The following CCM2 variants were observed in gnomAD, a reference collection of about 807,000 sequenced individuals.
CCM2 encodes cerebral cavernous malformations 2 protein.
CCM2 carries 25 observed loss-of-function variants against 44.9 expected under a neutral mutation model. That is an observed-to-expected ratio of 0.56 (90% CI 0.41 to 0.78). The LOEUF (loss-of-function observed/expected upper bound fraction) is 0.78. Ranked by LOEUF, CCM2 falls within the 30% of genes least tolerant of loss-of-function variation. The pLI is 0.00. For synonymous variants in CCM2, 219 were observed against 241.1 expected, an observed-to-expected ratio of 0.91 and a Z score of 0.85; for missense variants, 481 against 580.6, an observed-to-expected ratio of 0.83 and a Z score of 1.76.
chr7:45,023,053 T>C (rs1372102863), intron 1 of CCM2, among the ~76,000 whole-genome samples: 1 of 152,100 alleles, frequency 6.6e-6, no homozygotes, highest in Non-Finnish European at 1.5e-5. Context: ...TCTGGGCTTT[T>C]AGTGTACCCA....
At chr7:45,073,689 C>G (rs1799201782) in intron 8 of CCM2, 118 bp downstream of exon 8, 1 of 688,662 alleles carries the variant, frequency 1.5e-6, no homozygotes, top group South Asian at 1.7e-5. Flanking sequence ...AGTGAGGTCA[C>G]CTAGAGCACT....
At chr7:45,067,247 C>T (rs998993932) in intron 4 of CCM2, among the ~76,000 whole-genome samples, 2 of 143,228 alleles carry the variant, frequency 1.4e-5, no homozygotes, top group African/African-American at 5.2e-5. Flanking sequence ...GGCTAGAGTG[C>T]AATGGTGTGG....
rs1330989888 is a variant in CCM2, at chr7:45,075,893, G to A, written c.1171G>A (p.Ala391Thr). 1 of 1,613,168 alleles carries A rather than the reference G, an allele frequency of 6.2e-7. No homozygotes were observed. The highest frequency in any genetic ancestry group is 8.5e-7 in the Non-Finnish European group (1 of 1,180,024). The change falls in exon 10 of 10, where the codon GCC (alanine) becomes ACC (threonine). Residue 391 changes from alanine (A) to threonine (T), a missense_variant. Physicochemically the swap from Ala to Thr is moderately conservative, Grantham distance 58. Transcript: ENST00000258781. ...ITDSFGRHRR[A>T]LSTTSSSTTN... ...TGACAGCTTTGGCAGGCACCGGCGG[G>A]CCCTGAGCACCACATCCAGTTCCAC...
At chr7:45,022,903 G>C (rs774361857) in intron 1 of CCM2, among the ~76,000 whole-genome samples, 1 of 151,600 alleles carries the variant, frequency 6.6e-6, no homozygotes, top group Non-Finnish European at 1.5e-5. Flanking sequence ...ACCACGCCTG[G>C]CTAATTTTTA....
In CCM2 at chr7:45,074,221, A is replaced by C. The variant is rs760062640; in HGVS notation, c.916-49A>C. On this transcript the variant is annotated intron_variant, in intron 8 of 9. Coordinates refer to ENST00000258781, the MANE Select transcript of CCM2 (RefSeq NM_031443.4). The stretch of plus-strand genomic sequence containing the variant: ...TGTGGCAAGGTGGGCCCGACTGCCG[A>C]CTCTTGCCTACTGTGCCCAGCCCCC... The C allele has an allele frequency of 2.5e-6, 4 of 1,611,286 alleles. No individual in the cohort carries two copies. In the East Asian group the frequency reaches 8.9e-5, roughly 36 times the overall value.
rs975812546 is a variant in CCM2 at position 45,023,288 on chromosome 7, A to G, written c.31-14965A>G. ...TTTACGGCTGGGTGCAGTGGCTCACACCTGTAATCCCAGCACTTTGGGAGG... is the reference window on the plus strand; with the variant it reads ...TTTACGGCTGGGTGCAGTGGCTCACGCCTGTAATCCCAGCACTTTGGGAGG... On this transcript the variant is annotated intron_variant, in intron 1 of 9. Transcript: ENST00000258781. Among the ~76,000 whole-genome samples the G allele has an allele frequency of 6.6e-5, 10 of 151,962 alleles. 1 individual carries two copies. The highest frequency in any genetic ancestry group is 2.4e-4 in the African/African-American group (10 of 41,486).
intron 9 of CCM2, 98 bp from the exon 10 acceptor site, chr7:45,075,679 G>A: frequency 4.1e-6 from 6 of 1,468,236 alleles, no homozygotes; most frequent in Non-Finnish European, 5.7e-6. Flanking sequence ...TGCACCAGGG[G>A]CAGCTGTGGC....
intron 1 of CCM2, among the ~76,000 whole-genome samples, chr7:45,020,506 A>T (rs1300365746): frequency 6.6e-6 from 1 of 152,128 alleles, no homozygotes; most frequent in Non-Finnish European, 1.5e-5. Flanking sequence ...TTAGGTTGTC[A>T]TTTTGCTTAA....
intron 2 of CCM2, chr7:45,043,677 ATTTAAC>A (rs980557261): frequency 3.0e-4 from 116 of 387,326 alleles, no homozygotes; most frequent in African/African-American, 2.3e-3. Context: ...TTCTTCAAAT[ATTTAAC>A]TTTATTTTTT....
At chr7:45,045,017 AT>A (rs1304541867) in intron 2 of CCM2, among the ~76,000 whole-genome samples, 1 of 152,220 alleles carries the variant, frequency 6.6e-6, no homozygotes, top group Non-Finnish European at 1.5e-5. Context: ...TGGTGAAATT[AT>A]TTGTGGCCTG....
intron 6 of CCM2, 62 bp downstream of exon 6, chr7:45,070,023 C>A: frequency 6.3e-7 from 1 of 1,592,764 alleles, no homozygotes; most frequent in South Asian, 1.1e-5. Context: ...CTGCAGTGGC[C>A]CCCAGCTCCC....
Position 45,038,413 on chromosome 7 carries a change from A to G in CCM2, c.191A>G (p.Glu64Gly). 3 of 1,614,044 alleles carry G rather than the reference A, an allele frequency of 1.9e-6. No homozygotes were observed. The highest frequency in any genetic ancestry group is 4.5e-5 in the East Asian group (2 of 44,878). The stretch of plus-strand genomic sequence containing the variant: ...GACAGACTGCTGAGCGACTATATTG[A>G]GAAGGAGGTAAAGGTAAGTCGTCAT... ...EPDRLLSDYI[E>G]KEVKYLGQLT... The change falls in exon 2 of 10, where the codon GAG becomes GGG. Residue 64 changes from glutamate to glycine, a missense_variant. By Grantham distance (98) the Glu-to-Gly change is moderately conservative. Coordinates refer to ENST00000258781, the MANE Select transcript of CCM2 (RefSeq NM_031443.4).
At chr7:45,019,381 G>C (rs771356889) in intron 1 of CCM2, among the ~76,000 whole-genome samples, 15 of 152,052 alleles carry the variant, frequency 9.9e-5, no homozygotes, top group Admixed American at 7.9e-4. Context: ...TTTATACTTT[G>C]GTTTGGTAGA....
Sources: gnomAD v4.1 joint callset for allele counts (sites outside exome capture counted in the v4.1 genomes callset) on GRCh38, gnomAD v4.1.1 for gene constraint, MANE v1.5 for transcripts, NCBI Gene and HGNC (gene_info 2026-07-23, HGNC 2026-07-21) for gene names.